Variants in SYF2 observed in about 807,000 individuals in gnomAD.
SYF2 encodes the protein SYF2 pre-mRNA splicing factor.
In SYF2, 21 loss-of-function variants were observed where a neutral mutation model predicts 32.7. The ratio of observed to expected loss-of-function variants is 0.64; its 90% CI spans 0.45 to 0.92. The LOEUF (loss-of-function observed/expected upper bound fraction) is 0.92. Ranked by LOEUF, SYF2 falls within the 40% of genes least tolerant of loss-of-function variation. The pLI is 0.00. For missense variants in SYF2, 278 were observed against 296.5 expected, an observed-to-expected ratio of 0.94 and a Z score of 0.46; for synonymous variants, 114 against 103.9, an observed-to-expected ratio of 1.10 and a Z score of -0.59.
chr1:25,227,316 G>C (rs1571489276), intron 5 of SYF2, 126 bp downstream of exon 5: 3 of 791,666 alleles, frequency 3.8e-6, no homozygotes, highest in Non-Finnish European at 5.9e-6. Context: ...AAAAAACAGA[G>C]ACCATCCTTA....
intron 5 of SYF2, among the ~76,000 whole-genome samples, chr1:25,225,719 G>A (rs534530949): frequency 2.3e-4 from 34 of 150,694 alleles, no homozygotes; most frequent in Non-Finnish European, 4.4e-4. Flanking sequence ...TTAGCTGGGC[G>A]TGGTGGCAGA....
chr1:25,230,248 A>G (rs1028228699), intron 2 of SYF2: 1 of 152,208 alleles, frequency 6.6e-6, no homozygotes, highest in African/African-American at 2.4e-5. Context: ...TGCATTGACA[A>G]ATGAAAAATG....
chr1:25,226,375 C>CGTG (rs1325453510), intron 5 of SYF2, among the ~76,000 whole-genome samples: 2 of 152,112 alleles, frequency 1.3e-5, no homozygotes, highest in Non-Finnish European at 2.9e-5. Context: ...TACAGCAGCC[C>CGTG]ACCACCTGTT....
rs921670135 is a variant in SYF2, at chr1:25,232,118, G to A, written c.118C>T (p.Leu40=). ...AGACTACTCACCCGCATCAGGTGCA[G>A]CTCCCGGAATTTGCGCAGTCTCTGT... The part of the protein sequence containing the change: ...REQRLRKFRE[L]HLMRNEARKL... Residue 40 remains leucine, a synonymous_variant, in exon 2 of 7, where the codon CTG becomes TTG. Coordinates refer to ENST00000236273, the MANE Select transcript of SYF2 (RefSeq NM_015484.5). 6 of 1,613,870 alleles carry A rather than the reference G, an allele frequency of 3.7e-6. No individual in the cohort carries two copies. In the African/African-American group the frequency reaches 6.7e-5, roughly 18 times the overall value.
chr1:25,224,950 G>T, intron 6 of SYF2, 52 bp downstream of exon 6: 2 of 1,239,272 alleles, frequency 1.6e-6, no homozygotes, highest in Non-Finnish European at 2.4e-6. Flanking sequence ...TATTCTAAGT[G>T]CATTTTGTCA....
At chr1:25,230,902 A>C (rs367598142) in intron 2 of SYF2, 98 of 150,520 alleles carry the variant, frequency 6.5e-4, no homozygotes, top group African/African-American at 2.3e-3. Context: ...ACTCACTGTA[A>C]GCTCCGACTC....
rs1638441364 is a variant in SYF2 at position 25,223,195 on chromosome 1, A to G, written c.*71T>C. The G allele has an allele frequency of 2.0e-6, 3 of 1,467,708 alleles. No individual in the cohort carries two copies. Among genetic ancestry groups the G allele is most frequent in the African/African-American group, 2.8e-5 (2 of 70,816 alleles). The allele number at this position is 1,467,708 out of a possible 1,614,324, so 90.9% of individuals were successfully genotyped here. On this transcript the variant is annotated 3_prime_UTR_variant, in exon 7 of 7. Coordinates refer to ENST00000236273, the MANE Select transcript of SYF2 (RefSeq NM_015484.5). The stretch of plus-strand genomic sequence containing the variant: ...ATTCTGGATTACTGATAAAATTTCA[A>G]AAAGAACTTGATTTTGCTAGCAGAA...
At chr1:25,230,065 G>A (rs543755143) in intron 2 of SYF2, among the ~76,000 whole-genome samples, 11 of 152,186 alleles carry the variant, frequency 7.2e-5, no homozygotes, top group African/African-American at 1.7e-4. Flanking sequence ...TGATCTGCCC[G>A]CCTGGACCTC....
chr1:25,231,783 A>G (rs1638635765), intron 2 of SYF2: 2 of 423,232 alleles, frequency 4.7e-6, no homozygotes, highest in South Asian at 4.8e-5. Context: ...AGCTCTACAT[A>G]TTTCCCTAGG....
At chr1:25,223,493 A>G (rs1240844525) in intron 6 of SYF2, 62 bp from the exon 7 acceptor site, 28 of 1,505,692 alleles carry the variant, frequency 1.9e-5, no homozygotes, top group Non-Finnish European at 2.4e-5. Context: ...TTAATAAAAC[A>G]CAACCAAACA....
At position 25,223,420 on chromosome 1, in the gene SYF2, C is replaced by T. The variant is rs756540517; in HGVS notation, c.578G>A (p.Arg193Gln). 25 of 1,605,168 alleles carry T rather than the reference C, an allele frequency of 1.6e-5. No homozygotes were observed. Among genetic ancestry groups the T allele is most frequent in the Admixed American group, 3.4e-5 (2 of 57,972 alleles). ...AGGACGTCTCCGGCTATATTTGTCTCGTTTTTCAATCCTGGGGAAAGAAGA... is the reference window on the plus strand; with the variant it reads ...AGGACGTCTCCGGCTATATTTGTCTTGTTTTTCAATCCTGGGGAAAGAAGA... The part of the protein sequence containing the change: ...VIDLEKQIEK[R>Q]DKYSRRRPYN... The change falls in exon 7 of 7, where the codon CGA (arginine) becomes CAA (glutamine). Residue 193 changes from arginine (R) to glutamine (Q), a missense_variant. Coordinates refer to ENST00000236273, the MANE Select transcript of SYF2 (RefSeq NM_015484.5).
At chr1:25,230,266 T>A (rs1353231374) in intron 2 of SYF2, 2 of 152,184 alleles carry the variant, frequency 1.3e-5, no homozygotes, top group Non-Finnish European at 1.5e-5. Flanking sequence ...ATGAAAGGAA[T>A]TTTCCATTTG....
chr1:25,227,301 T>C (rs1428124311), intron 5 of SYF2, 141 bp downstream of exon 5: 9 of 713,196 alleles, frequency 1.3e-5, no homozygotes, highest in Non-Finnish European at 1.8e-5. Context: ...GAAAAAAATA[T>C]CCAGAAAAAA....
At chr1:25,226,844 C>T (rs1282837411) in intron 5 of SYF2, among the ~76,000 whole-genome samples, 1 of 152,070 alleles carries the variant, frequency 6.6e-6, no homozygotes, top group African/African-American at 2.4e-5. Flanking sequence ...AGCCAGGAAT[C>T]GTGGCACATG....
chr1:25,227,290 G>A (rs899272447), intron 5 of SYF2, 152 bp downstream of exon 5: 3 of 675,038 alleles, frequency 4.4e-6, no homozygotes, highest in Non-Finnish European at 4.8e-6. Context: ...CCATCTCAAA[G>A]GAAAAAAATA....
rs1339337177 is a variant in SYF2 at position 25,225,053 on chromosome 1, T to C, written c.515A>G (p.His172Arg). Reference sequence around the variant, plus strand: ...GTCAATTTCCTCTGTGGAAGGCACATGTGTTCCATGAAGAAGACTATTGGA... The same window carrying C: ...GTCAATTTCCTCTGTGGAAGGCACACGTGTTCCATGAAGAAGACTATTGGA... ...PTSNSLLHGT[H>R]VPSTEEIDRM... Residue 172 changes from histidine (H) to arginine (R), a missense_variant, in exon 6 of 7, where the codon CAT becomes CGT. Transcript: ENST00000236273. The C allele has an allele frequency of 1.2e-6, 2 of 1,613,992 alleles. No individual in the cohort carries two copies. The highest frequency in any genetic ancestry group is 1.7e-6 in the Non-Finnish European group (2 of 1,179,982).
At chr1:25,232,420 C>T (rs761113063) in intron 1 of SYF2, 24 bp downstream of exon 1, 4 of 1,614,214 alleles carry the variant, frequency 2.5e-6, no homozygotes, top group South Asian at 1.1e-5. Flanking sequence ...ACAAAACCCC[C>T]GGTGTACGGT....
rs1250168223 is a variant in SYF2 at position 25,232,130 on chromosome 1, T to A, written c.106A>T (p.Lys36Ter). 1 of 1,614,042 alleles carries A rather than the reference T, an allele frequency of 6.2e-7. No homozygotes were observed. The highest frequency in any genetic ancestry group is 1.1e-5 in the South Asian group (1 of 91,060). The change falls in exon 2 of 7, where the codon AAA becomes TAA. Residue 36 changes from lysine to a stop codon, truncating the protein, a stop_gained. Coordinates refer to ENST00000236273, the MANE Select transcript of SYF2 (RefSeq NM_015484.5). LOFTEE classifies it high-confidence loss of function. ...AAQKREQRLR[K>*]FRELHLMRNE... Reference sequence around the variant, plus strand: ...CGCATCAGGTGCAGCTCCCGGAATTTGCGCAGTCTCTGTTCGCGCTTCTGA... The same window carrying A: ...CGCATCAGGTGCAGCTCCCGGAATTAGCGCAGTCTCTGTTCGCGCTTCTGA...
At chr1:25,227,829 G>A (rs567678220) in intron 4 of SYF2, among the ~76,000 whole-genome samples, 8 of 152,316 alleles carry the variant, frequency 5.3e-5, no homozygotes, top group Admixed American at 2.0e-4. Flanking sequence ...CAATCTGTGT[G>A]AAGTAATATA....
Sources: allele counts gnomAD v4.1 joint callset (sites outside exome capture counted in the v4.1 genomes callset), GRCh38; gene constraint gnomAD v4.1.1; transcripts MANE v1.5; gene names NCBI Gene and HGNC (gene_info 2026-07-23, HGNC 2026-07-21).